The following FARP1 variants were observed in gnomAD, a reference collection of about 807,000 sequenced individuals.
The protein encoded by FARP1 is FERM, ARHGEF and pleckstrin domain-containing protein 1.
In FARP1, 52 loss-of-function variants were observed where a neutral mutation model predicts 128.8. That is an observed-to-expected ratio of 0.40 (90% CI 0.32 to 0.51). FARP1 has a LOEUF of 0.51. FARP1 is among the 20% of genes least tolerant of loss of function. The pLI is 0.45. For missense variants in FARP1, 1,333 were observed against 1,367.9 expected, an observed-to-expected ratio of 0.97 and a Z score of 0.40; for synonymous variants, 580 against 551.8, an observed-to-expected ratio of 1.05 and a Z score of -0.72.
intron 17 of FARP1, among the ~76,000 whole-genome samples, chr13:98,430,590 G>A (rs898101616): frequency 3.9e-5 from 6 of 152,204 alleles, no homozygotes; most frequent in African/African-American, 1.4e-4. Context: ...CTTAGCTACT[G>A]TCTGAGCAGA....
chr13:98,351,306 G>A (rs1268755523), intron 3 of FARP1, among the ~76,000 whole-genome samples: 1 of 152,182 alleles, frequency 6.6e-6, no homozygotes, highest in Non-Finnish European at 1.5e-5. Context: ...CCTGAGGCTG[G>A]GTAATTTATA....
intron 2 of FARP1, among the ~76,000 whole-genome samples, chr13:98,313,031 A>C (rs1246784732): frequency 6.6e-6 from 1 of 152,080 alleles, no homozygotes; most frequent in Non-Finnish European, 1.5e-5. Context: ...ATGTGACTTA[A>C]TTTGGAAGCA....
At chr13:98,401,011 C>G (rs1295888220) in intron 13 of FARP1, 6 of 152,136 alleles carry the variant, frequency 3.9e-5, no homozygotes, top group Non-Finnish European at 8.8e-5. Context: ...AAAATTACAA[C>G]CTCAGGCATA....
chr13:98,309,152 C>CTTTTTTTTTTTTTTTTTTTTTT (rs1886325642), intron 2 of FARP1, among the ~76,000 whole-genome samples: 1 of 106,192 alleles, frequency 9.4e-6, no homozygotes, highest in African/African-American at 3.7e-5. Context: ...TTTTAAGAGG[C>CTTTTTTTTTTTTTTTTTTTTTT]CTTTTTTTTT....
chr13:98,152,792 T>G (rs995262804), intron 1 of FARP1, among the ~76,000 whole-genome samples: 3 of 152,192 alleles, frequency 2.0e-5, no homozygotes, highest in African/African-American at 4.8e-5. Context: ...TCATATCAAA[T>G]CACTGTTAGA....
In FARP1 at chr13:98,395,423, T is replaced by C; in HGVS notation, c.1361T>C (p.Val454Ala). ...ASAPTEEEEEVVKDRTQQSKP... is the reference protein window; with the variant it reads ...ASAPTEEEEEAVKDRTQQSKP... The stretch of plus-strand genomic sequence containing the variant: ...GCGCCCACGGAGGAAGAGGAGGAGG[T>C]CGTTAAGGATAGGACCCAGCAGAGT... Residue 454 changes from valine to alanine, a missense_variant, in exon 13 of 27, where the codon GTC (valine) becomes GCC (alanine). Val to Ala is a moderately conservative substitution (Grantham distance 64, BLOSUM62 0). This residue lies in a region of FARP1 where 1,009 missense variants were observed against 969.8 expected (regional missense o/e 1.04). Transcript: ENST00000319562. 6.2e-7 allele frequency: 1 copy of C among 1,609,874 alleles called. No individual in the cohort carries two copies. Among genetic ancestry groups the C allele is most frequent in the Non-Finnish European group, 8.5e-7 (1 of 1,178,222 alleles).
At chr13:98,244,510 T>G in intron 2 of FARP1, 1 of 1,614,160 alleles carries the variant, frequency 6.2e-7, no homozygotes, top group Non-Finnish European at 8.5e-7. Context: ...TCATCCTCCT[T>G]CCTCAAAGCC....
intron 13 of FARP1, chr13:98,401,381 T>G (rs1052648451): frequency 8.3e-5 from 4 of 48,194 alleles, no homozygotes; most frequent in Non-Finnish European, 1.8e-4. Context: ...ACACTTAATA[T>G]AACAGTTTTC....
intron 2 of FARP1, among the ~76,000 whole-genome samples, chr13:98,282,245 A>G (rs1346323882): frequency 2.0e-5 from 3 of 152,182 alleles, no homozygotes; most frequent in Non-Finnish European, 4.4e-5. Context: ...CTGTGATCAC[A>G]GCACTGTACT....
intron 1 of FARP1, among the ~76,000 whole-genome samples, chr13:98,185,970 T>G (rs1423711428): frequency 6.6e-6 from 1 of 152,220 alleles, no homozygotes; most frequent in Non-Finnish European, 1.5e-5. Context: ...AGTGCTGAGA[T>G]TATAGGCGTG....
At chr13:98,227,452 A>T (rs1594294578) in intron 2 of FARP1, among the ~76,000 whole-genome samples, 1 of 64,752 alleles carries the variant, frequency 1.5e-5, no homozygotes, top group Admixed American at 1.4e-4. Flanking sequence ...GGCTACTATT[A>T]AAAAAAAAAA....
chr13:98,181,643 T>TGAGAGAGA (rs66507306), intron 1 of FARP1, among the ~76,000 whole-genome samples: 1 of 38,300 alleles, frequency 2.6e-5, no homozygotes, highest in African/African-American at 1.2e-4. Flanking sequence ...TTTATTTATT[T>TGAGAGAGA]GAGAGAGAGA....
Position 98,278,026 on chromosome 13 carries a change from A to G in FARP1, c.171+64613A>G, listed in dbSNP as rs59144910. ...TAACAAGCTATTGTTTTAAATGGTC[A>G]AAATCTGGTGATCTGTTATTTAACA... On this transcript the variant is annotated intron_variant, in intron 2 of 26. Coordinates refer to ENST00000319562, the MANE Select transcript of FARP1 (RefSeq NM_005766.4). Among the ~76,000 whole-genome samples the G allele has an allele frequency of 2.8e-3, 369 of 131,158 alleles. 1 individual carries two copies. Among genetic ancestry groups the G allele is most frequent in the African/African-American group, 9.1e-3 (244 of 26,756 alleles). The allele number at this position is 131,158 out of a possible 152,430, so 86.0% of individuals were successfully genotyped here. A position where few individuals can be genotyped will look rare whatever the true frequency, so the allele number is the denominator to read the frequency against.
At chr13:98,327,066 C>T (rs1887267664) in intron 2 of FARP1, among the ~76,000 whole-genome samples, 1 of 152,234 alleles carries the variant, frequency 6.6e-6, no homozygotes, top group African/African-American at 2.4e-5. Flanking sequence ...AGACACACTC[C>T]ATTTTCATTT....
intron 8 of FARP1, 142 bp downstream of exon 8, chr13:98,385,956 G>T: frequency 1.2e-6 from 1 of 824,600 alleles, no homozygotes; most frequent in Non-Finnish European, 1.8e-6. Flanking sequence ...CTCATCTCAG[G>T]CTTTCTGTTT....
intron 2 of FARP1, among the ~76,000 whole-genome samples, chr13:98,331,505 G>A (rs72655169): frequency 0.018 from 2,728 of 152,220 alleles, 32 homozygotes; most frequent in Middle Eastern, 0.037. Flanking sequence ...TTATTTTATA[G>A]TGATTAAAGT....
chr13:98,244,526 C>T (rs1314881267), intron 2 of FARP1: 2 of 1,614,096 alleles, frequency 1.2e-6, no homozygotes, highest in East Asian at 2.2e-5. Flanking sequence ...AAGCCACCGG[C>T]TCCTCCTGGA....
At chr13:98,317,035 C>A (rs1193402005) in intron 2 of FARP1, among the ~76,000 whole-genome samples, 1 of 152,120 alleles carries the variant, frequency 6.6e-6, no homozygotes, top group Non-Finnish European at 1.5e-5. Flanking sequence ...GGAGAACAAG[C>A]AGCTCCATGC....
chr13:98,355,273 AAGGT>A (rs1239302269), intron 3 of FARP1, among the ~76,000 whole-genome samples: 5 of 152,078 alleles, frequency 3.3e-5, no homozygotes, highest in African/African-American at 1.2e-4. Context: ...TTGAACCCAG[AAGGT>A]AGAGGTTTCA....
Sources: gnomAD v4.1 joint callset for allele counts (sites outside exome capture counted in the v4.1 genomes callset) on GRCh38, gnomAD v4.1.1 for gene constraint, gnomAD v4.1.1 regional missense constraint, MANE v1.5 for transcripts, NCBI Gene and HGNC (gene_info 2026-07-23, HGNC 2026-07-21) for gene names.